The following RALGPS1 variants were observed in gnomAD, a reference collection of about 807,000 sequenced individuals.
The protein encoded by RALGPS1 is ras-specific guanine nucleotide-releasing factor RalGPS1.
In RALGPS1, 19 loss-of-function variants were observed where a neutral mutation model predicts 78.8. That is an observed-to-expected ratio of 0.24 (90% CI 0.17 to 0.35). The LOEUF is 0.35. RALGPS1 is among the 10% of genes least tolerant of loss of function. The pLI, the probability that RALGPS1 is intolerant of heterozygous loss-of-function variation, is 1.00. For synonymous variants in RALGPS1, 228 were observed against 256.3 expected (o/e 0.89, Z 1.06); for missense variants, 454 against 688.3 (o/e 0.66, Z 3.81).
At chr9:127,136,268 G>A (rs1222666184) in intron 8 of RALGPS1, among the ~76,000 whole-genome samples, 1 of 152,208 alleles carries the variant, frequency 6.6e-6, no homozygotes, top group Non-Finnish European at 1.5e-5. Context: ...CAGCCCAAAG[G>A]GGAACCCAAA....
In RALGPS1 at chr9:127,211,681, C is replaced by T. The variant is rs2062270077; in HGVS notation, c.1248-450C>T. Among the ~76,000 whole-genome samples, 1 of 152,076 alleles carries T rather than the reference C, an allele frequency of 6.6e-6. No individual in the cohort carries two copies. Among genetic ancestry groups the T allele is most frequent in the Admixed American group, 6.5e-5 (1 of 15,284 alleles). On this transcript the variant is annotated intron_variant, in intron 14 of 18. Coordinates refer to ENST00000259351, the MANE Select transcript of RALGPS1 (RefSeq NM_014636.3). The surrounding 1 kb of genome is among the most constrained non-coding windows in gnomAD (Gnocchi z 5.0). ...ATGGTGCGTGTGGGCTCGCGTCCCTCCTGTCCCTCCACACCACCTCTTCCC... is the reference window on the plus strand; with the variant it reads ...ATGGTGCGTGTGGGCTCGCGTCCCTTCTGTCCCTCCACACCACCTCTTCCC...
chr9:127,108,278 C>T (rs138716830), intron 8 of RALGPS1: 13 of 1,613,844 alleles, frequency 8.1e-6, no homozygotes, highest in African/African-American at 2.7e-5. Flanking sequence ...AGCTCCAACG[C>T]GTTGTCCCGC....
chr9:127,067,720 G>A (rs1351461540), intron 7 of RALGPS1, among the ~76,000 whole-genome samples: 1 of 152,178 alleles, frequency 6.6e-6, no homozygotes, highest in African/African-American at 2.4e-5. Flanking sequence ...CAACCCTGGG[G>A]CTTCTGTTTA....
intron 1 of RALGPS1, among the ~76,000 whole-genome samples, chr9:126,959,871 A>G (rs975100900): frequency 2.0e-5 from 3 of 152,200 alleles, no homozygotes; most frequent in African/African-American, 7.2e-5. Flanking sequence ...GAATTGACAG[A>G]AAGTCAGTGG....
At chr9:127,216,866 T>A (rs2062614977) in intron 18 of RALGPS1, 1 of 1,494,864 alleles carries the variant, frequency 6.7e-7, no homozygotes, top group Non-Finnish European at 8.9e-7. Context: ...GGCCGCTCTC[T>A]TAAGAGCATA....
At chr9:127,185,760 C>T (rs1430881450) in intron 11 of RALGPS1, among the ~76,000 whole-genome samples, 2 of 152,148 alleles carry the variant, frequency 1.3e-5, no homozygotes, top group Non-Finnish European at 2.9e-5. Context: ...ACTTCTCTCT[C>T]CCACACTTGA....
chr9:127,065,020 A>G (rs889541494), intron 7 of RALGPS1, among the ~76,000 whole-genome samples: 1 of 151,674 alleles, frequency 6.6e-6, no homozygotes, highest in Non-Finnish European at 1.5e-5. Context: ...GCTCACTGCA[A>G]CCTTGAACTC....
At chr9:127,029,666 G>A (rs1564446649) in intron 4 of RALGPS1, among the ~76,000 whole-genome samples, 2 of 152,248 alleles carry the variant, frequency 1.3e-5, no homozygotes, top group Non-Finnish European at 2.9e-5. Flanking sequence ...TTAGGCACAC[G>A]TGGAAGGGCC....
At chr9:126,928,548 C>G (rs1209533912) in intron 1 of RALGPS1, among the ~76,000 whole-genome samples, 1 of 152,064 alleles carries the variant, frequency 6.6e-6, no homozygotes, top group African/African-American at 2.4e-5. Flanking sequence ...GCAGACTGAG[C>G]TGTGTTCAAA....
intron 7 of RALGPS1, among the ~76,000 whole-genome samples, 184 bp from the exon 8 acceptor site, chr9:127,069,046 G>C (rs1251558808): frequency 6.6e-6 from 1 of 152,084 alleles, no homozygotes; most frequent in Non-Finnish European, 1.5e-5. Flanking sequence ...CCCACCTCTG[G>C]AGTCGAGTCC....
chr9:127,079,780 A>T (rs1265067681), intron 8 of RALGPS1: 7 of 152,214 alleles, frequency 4.6e-5, no homozygotes, highest in Non-Finnish European at 8.8e-5. Context: ...ACCTTAAACC[A>T]GAGACACCCA....
intron 1 of RALGPS1, among the ~76,000 whole-genome samples, chr9:126,932,983 G>A (rs764799741): frequency 6.6e-6 from 1 of 152,064 alleles, no homozygotes; most frequent in African/African-American, 2.4e-5. Context: ...CTGTGTTAGG[G>A]TTGCTTTCCT....
intron 4 of RALGPS1, among the ~76,000 whole-genome samples, chr9:126,997,472 G>T (rs1223719303): frequency 6.6e-6 from 1 of 152,088 alleles, no homozygotes; most frequent in Non-Finnish European, 1.5e-5. Flanking sequence ...GGGATGTGAA[G>T]GACCTCTTCA....
chr9:127,194,732 T>C lies in RALGPS1; in HGVS notation c.911-359T>C, dbSNP rs564051963. ...CCGGCCTAGAAGACATACTTTGAAG[T>C]CTCACCTCTGTCATTCACCAGCTGG... On this transcript the variant is annotated intron_variant, in intron 11 of 18. Transcript: ENST00000259351. Among the ~76,000 whole-genome samples the C allele has an allele frequency of 2.6e-5, 4 of 152,272 alleles. No homozygotes were observed. The East Asian group carries it at 5.8e-4, about 22-fold the overall frequency.
chr9:127,101,549 A>C (rs564621041), intron 8 of RALGPS1, among the ~76,000 whole-genome samples: 1 of 152,200 alleles, frequency 6.6e-6, no homozygotes, highest in African/African-American at 2.4e-5. Context: ...CCCCTTTGCT[A>C]CCTTCATTCT....
intron 14 of RALGPS1, among the ~76,000 whole-genome samples, chr9:127,209,312 A>G (rs2062106808): frequency 1.3e-5 from 2 of 152,364 alleles, no homozygotes; most frequent in South Asian, 2.1e-4. Flanking sequence ...GGTGCCCAGC[A>G]TGTGGTGCCG....
chr9:126,998,611 A>G (rs923235454), intron 4 of RALGPS1, among the ~76,000 whole-genome samples: 3 of 152,176 alleles, frequency 2.0e-5, no homozygotes, highest in African/African-American at 7.2e-5. Flanking sequence ...TCAGTGTGGC[A>G]ATTCCTCAGG....
chr9:127,091,000 A>G (rs2052401085), intron 8 of RALGPS1, among the ~76,000 whole-genome samples: 1 of 152,232 alleles, frequency 6.6e-6, no homozygotes, highest in Non-Finnish European at 1.5e-5. Flanking sequence ...GATCTTAGAC[A>G]AATCACTTTC....
chr9:127,051,913 G>A (rs2135383835), intron 6 of RALGPS1, among the ~76,000 whole-genome samples: 1 of 152,272 alleles, frequency 6.6e-6, no homozygotes, highest in South Asian at 2.1e-4. Context: ...TAGAGGAAGG[G>A]GCAACTGAGC....
Sources: gnomAD v4.1 joint callset for allele counts (sites outside exome capture counted in the v4.1 genomes callset) on GRCh38, gnomAD v4.1.1 for gene constraint, Gnocchi (gnomAD v3.1) non-coding constraint, MANE v1.5 for transcripts, NCBI Gene and HGNC (gene_info 2026-07-23, HGNC 2026-07-21) for gene names.